The following LOXL3 variants were observed in gnomAD, a reference collection of about 807,000 sequenced individuals.
LOXL3 encodes lysyl oxidase like 3.
LOXL3 carries 60 observed loss-of-function variants against 91.8 expected under a neutral mutation model. The ratio of observed to expected loss-of-function variants is 0.65; its 90% CI spans 0.53 to 0.81. The LOEUF is 0.81. LOXL3 is among the 30% of genes least tolerant of loss of function. LOXL3 has a pLI of 0.00. For missense variants in LOXL3, 874 were observed against 1,000.4 expected (o/e 0.87, Z 1.70); for synonymous variants, 355 against 387.6 (o/e 0.92, Z 0.99).
Position 74,552,549 on chromosome 2 carries a change from G to C in LOXL3, c.86C>G (p.Pro29Arg). 6.2e-7 allele frequency: 1 copy of C among 1,612,294 alleles called. No homozygotes were observed. Among genetic ancestry groups the C allele is most frequent in the African/African-American group, 1.3e-5 (1 of 75,048 alleles). ...LCSSCLGSPS[P>R]STGPEKKAGS... ...GGCCTTCTTCTCAGGGCCCGTGGAA[G>C]GGGACGGAGACCCCAAGCACGAACT... The change falls in exon 2 of 14, where the codon CCT becomes CGT. Residue 29 changes from proline (P) to arginine (R), a missense_variant. Physicochemically the swap from Pro to Arg is moderately radical, Grantham distance 103. Coordinates refer to ENST00000264094, the MANE Select transcript of LOXL3 (RefSeq NM_032603.5).
Position 74,533,014 on chromosome 2 carries a change from C to T in LOXL3, c.*592G>A, listed in dbSNP as rs767255388. Reference sequence around the variant, plus strand: ...GATCACCAAGAGTATGAGGCTCCTGCTCTGATTTCCTCCTTGCCTTTCTGG... The same window carrying T: ...GATCACCAAGAGTATGAGGCTCCTGTTCTGATTTCCTCCTTGCCTTTCTGG... On this transcript the variant is annotated 3_prime_UTR_variant, in exon 14 of 14. Transcript: ENST00000264094. 3 of 1,607,880 alleles carry T rather than the reference C, an allele frequency of 1.9e-6. No individual in the cohort carries two copies. In the African/African-American group the frequency reaches 4.0e-5, roughly 22 times the overall value.
chr2:74,549,750 T>C lies in LOXL3; in HGVS notation c.478-167A>G. On this transcript the variant is annotated intron_variant, in intron 3 of 13. Transcript: ENST00000264094. The surrounding 1 kb of genome is among the most constrained non-coding windows in gnomAD (Gnocchi z 5.3). ...GATGGCCGCAGTCCGCGGTGTGGAC[T>C]CTCTTGCAGCCAGCAGCGCGTGGGA... The C allele has an allele frequency of 7.0e-7, 1 of 1,436,018 alleles. No homozygotes were observed. The highest frequency in any genetic ancestry group is 1.5e-5 in the South Asian group (1 of 65,328). The allele number at this position is 1,436,018 out of a possible 1,614,324, so 89.0% of individuals were successfully genotyped here. A position where few individuals can be genotyped will look rare whatever the true frequency, so the allele number is the denominator to read the frequency against.
chr2:74,536,203 C>A lies in LOXL3; in HGVS notation c.1094-53G>T. The A allele has an allele frequency of 6.2e-7, 1 of 1,611,818 alleles. No individual in the cohort carries two copies. Among genetic ancestry groups the A allele is most frequent in the Non-Finnish European group, 8.5e-7 (1 of 1,179,794 alleles). On this transcript the variant is annotated intron_variant, in intron 6 of 13. Transcript: ENST00000264094. This position sits in a 1 kb window ranked among gnomAD's most constrained non-coding sequence, Gnocchi z 4.5. ...GTTGTAATTAAGCATATATTGTCTG[C>A]CCAGGGGACACCTAACCTTCCGAAG...
Position 74,552,603 on chromosome 2 carries a change from G to T in LOXL3, c.32C>A (p.Pro11His), listed in dbSNP as rs1210397222. The change falls in exon 2 of 14, where the codon CCC becomes CAC. Residue 11 changes from proline (P) to histidine (H), a missense_variant. Pro to His is a moderately conservative substitution (Grantham distance 77). Coordinates refer to ENST00000264094, the MANE Select transcript of LOXL3 (RefSeq NM_032603.5). ...CAGCAGGCACAGCAGCAGCCCCCAGGGGCTCCACTGCCAGACACTGACAGG... is the reference window on the plus strand; with the variant it reads ...CAGCAGGCACAGCAGCAGCCCCCAGTGGCTCCACTGCCAGACACTGACAGG... MRPVSVWQWS[P>H]WGLLLCLLCS... 6 of 1,585,094 alleles carry T rather than the reference G, an allele frequency of 3.8e-6. No homozygotes were observed. The highest frequency in any genetic ancestry group is 1.7e-4 in the Middle Eastern group (1 of 6,016).
intron 4 of LOXL3, among the ~76,000 whole-genome samples, chr2:74,538,739 T>A (rs1341449066): frequency 6.6e-6 from 1 of 152,192 alleles, no homozygotes; most frequent in African/African-American, 2.4e-5. Context: ...AATAAAGCAT[T>A]TGATTTGGGA....
At chr2:74,554,544 G>A (rs1273715226), upstream of LOXL3, 2 of 577,724 alleles carry the variant, frequency 3.5e-6, no homozygotes, top group Non-Finnish European at 6.1e-6. This position sits in a 1 kb window ranked among gnomAD's most constrained non-coding sequence, Gnocchi z 4.9. Flanking sequence ...CCCCACGACG[G>A]CGGGTAGGGG....
upstream of LOXL3, chr2:74,554,703 G>A: frequency 1.3e-6 from 2 of 1,588,746 alleles, no homozygotes; most frequent in Non-Finnish European, 8.6e-7. The surrounding 1 kb of genome is among the most constrained non-coding windows in gnomAD (Gnocchi z 4.9). Flanking sequence ...CCCGCCTCCC[G>A]CCCCGCCTCC....
Position 74,553,709 on chromosome 2 carries a change from A to G in LOXL3, c.-13+167T>C, listed in dbSNP as rs549056384. ...AACACCCGTAGCCCCCGCCTCCGGT[A>G]TGTGCCTCCTCCGTGTACTCTGTCT... On this transcript the variant is annotated intron_variant, in intron 1 of 13. Coordinates refer to ENST00000264094, the MANE Select transcript of LOXL3 (RefSeq NM_032603.5). Among the ~76,000 whole-genome samples the G allele has an allele frequency of 7.9e-5, 12 of 152,222 alleles. No individual in the cohort carries two copies. In the East Asian group the frequency reaches 2.1e-3, roughly 27 times the overall value.
In LOXL3 at chr2:74,535,221, C is replaced by T; in HGVS notation, c.1579+71G>A. ...GAAGAAGTGCCCCTCCAGATTACAG[C>T]CCCCTTTCCCTGCAAACGGGTGGCC... On this transcript the variant is annotated intron_variant, in intron 9 of 13. Coordinates refer to ENST00000264094, the MANE Select transcript of LOXL3 (RefSeq NM_032603.5). This position sits in a 1 kb window ranked among gnomAD's most constrained non-coding sequence, Gnocchi z 4.2. 6.6e-7 allele frequency: 1 copy of T among 1,517,820 alleles called. No homozygotes were observed. Among genetic ancestry groups the T allele is most frequent in the Non-Finnish European group, 8.9e-7 (1 of 1,124,634 alleles). The allele number at this position is 1,517,820 out of a possible 1,614,324, so 94.0% of individuals were successfully genotyped here.
rs138964911 is a variant in LOXL3 at position 74,547,007 on chromosome 2, C to T, written c.692+2362G>A. On this transcript the variant is annotated intron_variant, in intron 4 of 13. Coordinates refer to ENST00000264094, the MANE Select transcript of LOXL3 (RefSeq NM_032603.5). Reference sequence around the variant, plus strand: ...GGGATTACAGGTGTGAGCCACCGTGCCCGGCCTTAGTTAATTTATTTTTTG... The same window carrying T: ...GGGATTACAGGTGTGAGCCACCGTGTCCGGCCTTAGTTAATTTATTTTTTG... Among the ~76,000 whole-genome samples the T allele has an allele frequency of 4.8e-3, 729 of 152,126 alleles. 5 individuals carry two copies. The highest frequency in any genetic ancestry group is 0.017 in the African/African-American group (690 of 41,500).
intron 2 of LOXL3, among the ~76,000 whole-genome samples, 193 bp downstream of exon 2, chr2:74,552,129 A>G (rs1677054559): frequency 1.3e-5 from 2 of 152,182 alleles, no homozygotes; most frequent in African/African-American, 4.8e-5. Context: ...GGCTCAGAGA[A>G]AGCACTGACT....
upstream of LOXL3, chr2:74,554,843 A>G (rs1677298694): frequency 1.2e-6 from 2 of 1,613,138 alleles, no homozygotes; most frequent in Admixed American, 3.3e-5. The surrounding 1 kb of genome is among the most constrained non-coding windows in gnomAD (Gnocchi z 4.9). Context: ...GCCGAACCTT[A>G]TCCGGGCTAG....
rs1459734511 is a variant in LOXL3 at position 74,533,991 on chromosome 2, A to G, written c.2079T>C (p.Val693=). 4.3e-6 allele frequency: 7 copies of G among 1,613,730 alleles called. No individual in the cohort carries two copies. Among genetic ancestry groups the G allele is most frequent in the Non-Finnish European group, 5.9e-6 (7 of 1,179,696 alleles). ...CTACTTCAAAGTTTGGGTTGATGACAACCTGTGAGTGAGAAAAAGGCCACT... is the reference window on the plus strand; with the variant it reads ...CTACTTCAAAGTTTGGGTTGATGACGACCTGTGAGTGAGAAAAAGGCCACT... The part of the protein sequence containing the change: ...DVKPGNYILQ[V]VINPNFEVAE... Residue 693 remains valine, a splice_region_variant and synonymous_variant, in exon 13 of 14, where the codon GTT becomes GTC. Coordinates refer to ENST00000264094, the MANE Select transcript of LOXL3 (RefSeq NM_032603.5).
In LOXL3 at chr2:74,536,395, G is replaced by C; in HGVS notation, c.989C>G (p.Thr330Arg). 1.9e-6 allele frequency: 3 copies of C among 1,614,182 alleles called. No individual in the cohort carries two copies. The highest frequency in any genetic ancestry group is 2.5e-6 in the Non-Finnish European group (3 of 1,180,028). Residue 330 changes from threonine (T) to arginine (R), a missense_variant, in exon 6 of 14, where the codon ACA (threonine) becomes AGA (arginine). Thr to Arg is a moderately conservative substitution (Grantham distance 71, BLOSUM62 -1). Transcript: ENST00000264094. The surrounding 1 kb of genome is among the most constrained non-coding windows in gnomAD (Gnocchi z 4.5). Reference sequence around the variant, plus strand: ...CAGGTCCCACTTGCGGTCACAGACTGTGCCCCATGTGCTGGCCTTCAGGAC... The same window carrying C: ...CAGGTCCCACTTGCGGTCACAGACTCTGCCCCATGTGCTGGCCTTCAGGAC... ...VEVLKASTWG[T>R]VCDRKWDLHA...
rs1184764688 is a variant in LOXL3 at position 74,552,616 on chromosome 2, A to G, written c.19T>C (p.Trp7Arg). MRPVSVWQWSPWGLLLC... is the reference protein window; with the variant it reads MRPVSVRQWSPWGLLLC... ...AGCAGCCCCCAGGGGCTCCACTGCCAGACACTGACAGGTCGCATGGCAGGG... is the reference window on the plus strand; with the variant it reads ...AGCAGCCCCCAGGGGCTCCACTGCCGGACACTGACAGGTCGCATGGCAGGG... The change falls in exon 2 of 14, where the codon TGG becomes CGG. Residue 7 changes from tryptophan to arginine, a missense_variant. Transcript: ENST00000264094. 1.9e-6 allele frequency: 3 copies of G among 1,570,096 alleles called. No homozygotes were observed. The highest frequency in any genetic ancestry group is 2.6e-6 in the Non-Finnish European group (3 of 1,151,524).
chr2:74,536,880 C>T lies in LOXL3; in HGVS notation c.741G>A (p.Ala247=), dbSNP rs143919179. The change falls in exon 5 of 14, where the codon GCG becomes GCA. Residue 247 remains alanine, a synonymous_variant. Transcript: ENST00000264094. This position sits in a 1 kb window ranked among gnomAD's most constrained non-coding sequence, Gnocchi z 4.5. Reference sequence around the variant, plus strand: ...AGAGGTGGGCCTCCGTGCCCACGCACGCCACCCCATGCAGACCAAAGGAGT... The same window carrying T: ...AGAGGTGGGCCTCCGTGCCCACGCATGCCACCCCATGCAGACCAAAGGAGT... ...QQHSFGLHGV[A]CVGTEAHLSL... 186 of 1,614,186 alleles carry T rather than the reference C, an allele frequency of 1.2e-4. No homozygotes were observed. The highest frequency in any genetic ancestry group is 1.5e-4 in the Non-Finnish European group (178 of 1,180,036).
chr2:74,539,478 T>G (rs1676198756), intron 4 of LOXL3, among the ~76,000 whole-genome samples: 1 of 151,730 alleles, frequency 6.6e-6, no homozygotes. Flanking sequence ...GTGGGTGAAC[T>G]AAGGGAGGTG....
At chr2:74,537,462 A>C (rs1676094867) in intron 4 of LOXL3, among the ~76,000 whole-genome samples, 1 of 152,224 alleles carries the variant, frequency 6.6e-6, no homozygotes, top group African/African-American at 2.4e-5. Flanking sequence ...TCTGCAGGAC[A>C]GATTAGGAGG....
Position 74,536,906 on chromosome 2 carries a change from G to A in LOXL3, c.715C>T (p.His239Tyr), listed in dbSNP as rs1165931416. 1 of 1,614,136 alleles carries A rather than the reference G, an allele frequency of 6.2e-7. No homozygotes were observed. The highest frequency in any genetic ancestry group is 8.5e-7 in the Non-Finnish European group (1 of 1,180,012). Residue 239 changes from histidine to tyrosine, a missense_variant, in exon 5 of 14, where the codon CAC becomes TAC. Coordinates refer to ENST00000264094, the MANE Select transcript of LOXL3 (RefSeq NM_032603.5). This position sits in a 1 kb window ranked among gnomAD's most constrained non-coding sequence, Gnocchi z 4.5. ...FYRLLAQRQQ[H>Y]SFGLHGVACV... is the part of the protein sequence containing the mutation. ...GCCACCCCATGCAGACCAAAGGAGT[G>A]TTGCTGCCGTTGGGCTAGCAGCCTA...
Sources: allele counts gnomAD v4.1 joint callset (sites outside exome capture counted in the v4.1 genomes callset), GRCh38; gene constraint gnomAD v4.1.1; non-coding constraint Gnocchi (gnomAD v3.1); transcripts MANE v1.5; gene names NCBI Gene and HGNC (gene_info 2026-07-23, HGNC 2026-07-21).